CNTN5: variants seen among roughly 807,000 people sequenced by gnomAD.
CNTN5 encodes contactin-5.
A neutral mutation model predicts 129.1 loss-of-function variants in CNTN5; 77 were observed. That is an observed-to-expected ratio of 0.60 (90% CI 0.50 to 0.72). The LOEUF is 0.72. CNTN5 is among the 30% of genes least tolerant of loss of function. CNTN5 has a pLI of 0.00. For missense variants in CNTN5, 1,478 were observed against 1,328.8 expected (o/e 1.11, Z -1.75); for synonymous variants, 509 against 465.6 (o/e 1.09, Z -1.20).
At chr11:99,476,120 A>G (rs552580038) in intron 2 of CNTN5, among the ~76,000 whole-genome samples, 93 of 152,086 alleles carry the variant, frequency 6.1e-4, no homozygotes, top group Non-Finnish European at 1.1e-3. Context: ...ATTTGTTGTC[A>G]TTCATGTCCT....
At chr11:99,504,675 A>G (rs1022131507) in intron 2 of CNTN5, among the ~76,000 whole-genome samples, 3 of 152,200 alleles carry the variant, frequency 2.0e-5, no homozygotes, top group Non-Finnish European at 4.4e-5. Context: ...GATTTTAAGC[A>G]GGAAGTTACT....
At chr11:99,301,471 G>A (rs1169032261) in intron 1 of CNTN5, among the ~76,000 whole-genome samples, 5 of 151,606 alleles carry the variant, frequency 3.3e-5, no homozygotes, top group African/African-American at 1.2e-4. Flanking sequence ...TTAATTATAA[G>A]ACAAATATTG....
chr11:99,968,896 A>C (rs1951172295), intron 8 of CNTN5, among the ~76,000 whole-genome samples: 1 of 151,846 alleles, frequency 6.6e-6, no homozygotes, highest in Admixed American at 6.6e-5. Context: ...CAAACTCTGC[A>C]GGAATATAGA....
intron 3 of CNTN5, among the ~76,000 whole-genome samples, chr11:99,725,074 G>A (rs995807907): frequency 2.0e-5 from 3 of 152,124 alleles, no homozygotes; most frequent in African/African-American, 7.2e-5. Flanking sequence ...CCAGCAAAAG[G>A]GAAAATACAT....
intron 1 of CNTN5, among the ~76,000 whole-genome samples, chr11:99,126,795 T>C (rs752694311): frequency 6.6e-6 from 1 of 152,222 alleles, no homozygotes; most frequent in Non-Finnish European, 1.5e-5. Context: ...CTAATAGATA[T>C]GTAGATTTAT....
At chr11:100,277,367 G>A (rs142102246) in intron 18 of CNTN5, among the ~76,000 whole-genome samples, 3,072 of 152,106 alleles carry the variant, frequency 0.02, 108 homozygotes, top group African/African-American at 0.07. Flanking sequence ...TCATATGGTA[G>A]CTCTATTTTT....
chr11:99,178,002 G>C (rs1202547583), intron 1 of CNTN5, among the ~76,000 whole-genome samples: 1 of 148,394 alleles, frequency 6.7e-6, no homozygotes, highest in African/African-American at 2.4e-5. Context: ...TGATCTTGGG[G>C]AGAAAAATCA....
chr11:99,410,099 T>C (rs969230343), intron 2 of CNTN5, among the ~76,000 whole-genome samples: 4 of 152,178 alleles, frequency 2.6e-5, no homozygotes, highest in African/African-American at 9.6e-5. Context: ...AACATATTTA[T>C]AAGATGATTA....
intron 3 of CNTN5, among the ~76,000 whole-genome samples, chr11:99,572,459 GT>G (rs1369367046): frequency 1.3e-5 from 2 of 152,174 alleles, no homozygotes; most frequent in African/African-American, 2.4e-5. Context: ...GGTAGAATTA[GT>G]TTGCCTAAAA....
At chr11:99,690,945 T>TG (rs1954016518) in intron 3 of CNTN5, among the ~76,000 whole-genome samples, 4 of 152,138 alleles carry the variant, frequency 2.6e-5, no homozygotes, top group Admixed American at 2.6e-4. Flanking sequence ...GAACTCATTT[T>TG]GGTCTACTCA....
At chr11:99,434,339 G>C (rs1343642196) in intron 2 of CNTN5, among the ~76,000 whole-genome samples, 1 of 152,058 alleles carries the variant, frequency 6.6e-6, no homozygotes, top group Non-Finnish European at 1.5e-5. Context: ...ATGAAAATTA[G>C]CAATATTCCA....
At chr11:99,171,942 A>T (rs571834142) in intron 1 of CNTN5, among the ~76,000 whole-genome samples, 89 of 152,278 alleles carry the variant, frequency 5.8e-4, no homozygotes, top group Middle Eastern at 3.4e-3. Context: ...GAGCACAGGG[A>T]CTCAAATTGA....
At chr11:99,281,140 G>A (rs2135888565) in intron 1 of CNTN5, among the ~76,000 whole-genome samples, 1 of 151,864 alleles carries the variant, frequency 6.6e-6, no homozygotes, top group East Asian at 1.9e-4. Context: ...TTACTGAATA[G>A]AATTAAAAGA....
intron 8 of CNTN5, among the ~76,000 whole-genome samples, chr11:99,990,418 ATTTATTGG>A: frequency 3.4e-5 from 5 of 147,984 alleles, no homozygotes; most frequent in African/African-American, 1.3e-4. Flanking sequence ...TTTAGAATAA[ATTTATTGG>A]CTTCCCTTAT....
intron 18 of CNTN5, among the ~76,000 whole-genome samples, chr11:100,277,067 A>G (rs929563160): frequency 1.3e-5 from 2 of 152,074 alleles, no homozygotes; most frequent in Admixed American, 6.6e-5. Context: ...GAGTGAGAAC[A>G]TGTGATGTTT....
intron 3 of CNTN5, among the ~76,000 whole-genome samples, chr11:99,781,086 C>T (rs746478912): frequency 6.6e-6 from 1 of 152,034 alleles, no homozygotes; most frequent in African/African-American, 2.4e-5. Context: ...TTAGTTCTGG[C>T]AGAATTGTGT....
chr11:100,069,271 A>G (rs568377064), intron 10 of CNTN5, among the ~76,000 whole-genome samples: 1 of 151,992 alleles, frequency 6.6e-6, no homozygotes, highest in South Asian at 2.1e-4. Flanking sequence ...TCCTGCCTCA[A>G]CCTTCCAAGT....
At position 99,710,566 on chromosome 11, in the gene CNTN5, CATGTGT is replaced by C. The variant is rs1233173670; in HGVS notation, c.56-108977_56-108972del. ...TCTAGATTGTGTGTGTGTGTGTGTG[CATGTGT>C]GTGTGTGTGTGTGTGTGTGTGTGTG... is the stretch of plus-strand genomic sequence containing the variant. On this transcript the variant is annotated intron_variant, in intron 3 of 24. Transcript: ENST00000524871. Among the ~76,000 whole-genome samples the C allele has an allele frequency of 3.0e-3, 233 of 78,206 alleles. 1 individual carries two copies. Among genetic ancestry groups the C allele is most frequent in the African/African-American group, 0.01 (217 of 21,280 alleles). 51.3% of individuals were successfully genotyped at this position (78,206 alleles called of 152,430 possible).
rs145162729 is a variant in CNTN5 at position 100,293,263 on chromosome 11, T to C, written c.2315-4362T>C. Among the ~76,000 whole-genome samples, 189 of 152,006 alleles carry C rather than the reference T, an allele frequency of 1.2e-3. 7 individuals are homozygous for C. The East Asian group carries it at 0.019, about 16-fold the overall frequency. ...ACTCACCTCCTATCTTCTTGACTAT[T>C]GCCACTTACAAGGAGGTTTATAAAT... On this transcript the variant is annotated intron_variant, in intron 18 of 24. Coordinates refer to ENST00000524871, the MANE Select transcript of CNTN5 (RefSeq NM_014361.4).
Sources: gnomAD v4.1 joint callset for allele counts (sites outside exome capture counted in the v4.1 genomes callset) on GRCh38, gnomAD v4.1.1 for gene constraint, MANE v1.5 for transcripts, NCBI Gene and HGNC (gene_info 2026-07-23, HGNC 2026-07-21) for gene names.